Variants in ERG observed in about 807,000 individuals in gnomAD.
The protein encoded by ERG is ETS transcription factor ERG.
In ERG, 9 loss-of-function variants were observed where a neutral mutation model predicts 55.3. That is an observed-to-expected ratio of 0.16 (90% CI 0.10 to 0.28). The LOEUF (loss-of-function observed/expected upper bound fraction) is 0.28. Ranked by LOEUF, ERG falls within the 10% of genes least tolerant of loss-of-function variation. The pLI is 1.00. For synonymous variants in ERG, 223 were observed against 237.3 expected (o/e 0.94, Z 0.55); for missense variants, 434 against 631.6 (o/e 0.69, Z 3.35).
intron 2 of ERG, among the ~76,000 whole-genome samples, chr21:38,551,197 C>T (rs1424017088): frequency 6.6e-6 from 1 of 151,608 alleles, no homozygotes; most frequent in Non-Finnish European, 1.5e-5. Flanking sequence ...GTAATGTCCC[C>T]TTTGTCATTT....
At chr21:38,522,276 G>A (rs1307595956) in intron 2 of ERG, among the ~76,000 whole-genome samples, 5 of 148,156 alleles carry the variant, frequency 3.4e-5, no homozygotes, top group Non-Finnish European at 7.6e-5. Context: ...TTTCTCAAAT[G>A]TAAAAAAAAA....
intron 2 of ERG, among the ~76,000 whole-genome samples, chr21:38,557,779 G>A (rs1476600519): frequency 1.3e-5 from 2 of 152,032 alleles, no homozygotes; most frequent in Non-Finnish European, 2.9e-5. Context: ...AGAATGTTCT[G>A]GGTATGACTT....
At chr21:38,616,495 T>C (rs1364678644) in intron 1 of ERG, among the ~76,000 whole-genome samples, 1 of 152,078 alleles carries the variant, frequency 6.6e-6, no homozygotes, top group Non-Finnish European at 1.5e-5. Context: ...AGAGGGACAT[T>C]AGAGCATGGA....
In ERG at chr21:38,382,505, T is replaced by C. The variant is rs1987494846; in HGVS notation, c.*898A>G. 9.4e-7 allele frequency: 1 copy of C among 1,065,182 alleles called. No individual in the cohort carries two copies. The highest frequency in any genetic ancestry group is 1.1e-6 in the Non-Finnish European group (1 of 878,878). 66.0% of individuals were successfully genotyped at this position (1,065,182 alleles called of 1,614,324 possible). ...GCGCATTTTTGTTTCTGAATTCTAC[T>C]ACTTCCCCTTTCTCCATTACGCTGT... On this transcript the variant is annotated 3_prime_UTR_variant, in exon 10 of 10. Transcript: ENST00000288319.
intron 1 of ERG, among the ~76,000 whole-genome samples, chr21:38,576,333 A>T (rs2059994507): frequency 6.6e-6 from 1 of 152,044 alleles, no homozygotes; most frequent in Non-Finnish European, 1.5e-5. Flanking sequence ...GGACGTCAAG[A>T]CTCATAAAGG....
chr21:38,493,386 G>T (rs542280128), intron 1 of ERG, among the ~76,000 whole-genome samples: 1 of 152,252 alleles, frequency 6.6e-6, no homozygotes, highest in South Asian at 2.1e-4. Flanking sequence ...AGGACAGGTA[G>T]GTAGATACAA....
At chr21:38,369,526 C>T in the ERG span, among the ~76,000 whole-genome samples, 69 of 152,040 alleles carry the variant, frequency 4.5e-4, no homozygotes, top group Non-Finnish European at 7.2e-4. Flanking sequence ...GGATATTAGA[C>T]CTTTGTTAGA....
chr21:38,653,887 C>T (rs931447202), intron 1 of ERG, among the ~76,000 whole-genome samples: 6 of 152,172 alleles, frequency 3.9e-5, no homozygotes, highest in Non-Finnish European at 8.8e-5. Context: ...ACAATTAATA[C>T]AATGTAATGC....
At chr21:38,416,051 G>A (rs576981807) in intron 3 of ERG, among the ~76,000 whole-genome samples, 70 of 152,296 alleles carry the variant, frequency 4.6e-4, no homozygotes, top group African/African-American at 1.5e-3. Context: ...TTATTCACTG[G>A]CTTTCAAAGC....
intron 1 of ERG, among the ~76,000 whole-genome samples, chr21:38,648,011 G>A (rs1161268879): frequency 6.6e-6 from 1 of 152,202 alleles, no homozygotes; most frequent in Non-Finnish European, 1.5e-5. Flanking sequence ...CTTATTTCAT[G>A]TTAAGTGTCC....
intron 1 of ERG, among the ~76,000 whole-genome samples, chr21:38,654,855 GATTTGTAA>G (rs2060509573): frequency 1.3e-5 from 2 of 152,180 alleles, no homozygotes; most frequent in African/African-American, 4.8e-5. Context: ...TATAGACCCA[GATTTGTAA>G]ATCTGGCAGC....
intron 1 of ERG, among the ~76,000 whole-genome samples, chr21:38,491,466 G>C (rs1438601248): frequency 6.6e-6 from 1 of 152,162 alleles, no homozygotes; most frequent in Non-Finnish European, 1.5e-5. Context: ...GCAAGAGTGC[G>C]GGATCTTTGC....
intron 5 of ERG, among the ~76,000 whole-genome samples, chr21:38,401,517 A>C (rs1340564365): frequency 6.6e-6 from 1 of 152,242 alleles, no homozygotes; most frequent in Non-Finnish European, 1.5e-5. Context: ...GACCATGATA[A>C]ATGAGCAATT....
chr21:38,583,500 C>G (rs1020259137), intron 1 of ERG, among the ~76,000 whole-genome samples: 2 of 152,146 alleles, frequency 1.3e-5, no homozygotes, highest in African/African-American at 4.8e-5. Context: ...CCACATTTAT[C>G]TAAAAATAAG....
chr21:38,408,740 A>G (rs1250131343), intron 3 of ERG, among the ~76,000 whole-genome samples: 1 of 152,160 alleles, frequency 6.6e-6, no homozygotes, highest in East Asian at 1.9e-4. Context: ...AATCAAAGAA[A>G]GGGGCTCATG....
In ERG at chr21:38,409,556, C is replaced by A. The variant is rs532488846; in HGVS notation, c.389-5847G>T. ...GAAGTGGAAGTGCAGAGAGGTAGCA[C>A]CAACCAGGAAAAATGGGAAAGGCTT... On this transcript the variant is annotated intron_variant, in intron 3 of 9. Coordinates refer to ENST00000288319, the MANE Select transcript of ERG (RefSeq NM_182918.4). Among the ~76,000 whole-genome samples the A allele has an allele frequency of 1.8e-4, 27 of 149,884 alleles. 1 individual carries two copies. In the South Asian group the frequency reaches 5.5e-3, roughly 31 times the overall value.
chr21:38,422,834 A>G (rs58255334), intron 3 of ERG, among the ~76,000 whole-genome samples: 7,504 of 152,286 alleles, frequency 0.049, 603 homozygotes, highest in African/African-American at 0.17. Flanking sequence ...ACAGCCATAT[A>G]ATATATGGCT....
intron 2 of ERG, among the ~76,000 whole-genome samples, chr21:38,505,735 C>A (rs150260443): frequency 1.3e-5 from 2 of 152,276 alleles, no homozygotes; most frequent in East Asian, 3.9e-4. Context: ...CAAAAATAAT[C>A]CTGCCTCAAG....
At chr21:38,588,699 A>G (rs539787089), upstream of ERG, among the ~76,000 whole-genome samples, 5 of 152,286 alleles carry the variant, frequency 3.3e-5, no homozygotes, top group African/African-American at 1.2e-4. Context: ...CCAGATGGAC[A>G]GATGCAAAGC....
Sources: gnomAD v4.1 joint callset for allele counts (sites outside exome capture counted in the v4.1 genomes callset) on GRCh38, gnomAD v4.1.1 for gene constraint, MANE v1.5 for transcripts, NCBI Gene and HGNC (gene_info 2026-07-23, HGNC 2026-07-21) for gene names.